PRKN: variants seen among roughly 807,000 people sequenced by gnomAD.
PRKN encodes E3 ubiquitin-protein ligase parkin.
Under a neutral mutation model 59.5 loss-of-function variants are expected in PRKN, and 56 were observed. That is an observed-to-expected ratio of 0.94 (90% CI 0.76 to 1.18). PRKN has a LOEUF of 1.18. Among genes scored for constraint, PRKN ranks in the 50% most tolerant of loss-of-function variants. The probability of loss-of-function intolerance (pLI) is 0.00; values close to 1 mark genes in which losing one functional copy is unlikely to be tolerated. For synonymous variants in PRKN, 250 were observed against 222.1 expected (o/e 1.13, Z -1.12); for missense variants, 657 against 596.4 (o/e 1.10, Z -1.06).
At chr6:162,082,970 T>TA (rs886732567) in intron 4 of PRKN, among the ~76,000 whole-genome samples, 8 of 152,072 alleles carry the variant, frequency 5.3e-5, no homozygotes, top group Non-Finnish European at 1.2e-4. Context: ...TTCATTCTTT[T>TA]AAAAAAATTA....
intron 9 of PRKN, among the ~76,000 whole-genome samples, chr6:161,411,939 C>A (rs774106554): frequency 2.0e-4 from 29 of 146,566 alleles, no homozygotes; most frequent in Non-Finnish European, 3.3e-4. Flanking sequence ...TCCTCCCTCA[C>A]TCATTCCTCC....
chr6:162,533,014 C>T (rs560787875), intron 1 of PRKN, among the ~76,000 whole-genome samples: 1 of 152,264 alleles, frequency 6.6e-6, no homozygotes, highest in Admixed American at 6.5e-5. Context: ...TCTTCTGGCC[C>T]TAGGTGCTTA....
At chr6:162,004,475 A>T (rs990348653) in intron 5 of PRKN, among the ~76,000 whole-genome samples, 2 of 152,222 alleles carry the variant, frequency 1.3e-5, no homozygotes, top group African/African-American at 4.8e-5. Flanking sequence ...ATGCACTAAT[A>T]CAGGCCACCA....
At chr6:162,511,201 CT>C (rs535277520) in intron 1 of PRKN, among the ~76,000 whole-genome samples, 17 of 149,478 alleles carry the variant, frequency 1.1e-4, no homozygotes, top group Admixed American at 2.0e-4. Context: ...TTTAATATTA[CT>C]TTTTTTTTTC....
chr6:162,512,585 G>T (rs1352985363), intron 1 of PRKN, among the ~76,000 whole-genome samples: 3 of 152,136 alleles, frequency 2.0e-5, no homozygotes, highest in Non-Finnish European at 4.4e-5. Flanking sequence ...CGTCATAGGT[G>T]TTACTAATTT....
rs1787477457 is a variant in PRKN at position 161,410,421 on chromosome 6, G to A, written c.1084-23544C>T. On this transcript the variant is annotated intron_variant, in intron 9 of 11. Transcript: ENST00000366898. The surrounding 1 kb of genome is among the most constrained non-coding windows in gnomAD (Gnocchi z 5.3). Reference sequence around the variant, plus strand: ...TACAATCCCTGAGCTATGAACAGTGGCACCAGCTTTTAAGTAAGGATGAGG... The same window carrying A: ...TACAATCCCTGAGCTATGAACAGTGACACCAGCTTTTAAGTAAGGATGAGG... 6.6e-6 allele frequency among the ~76,000 whole-genome samples: 1 copy of A among 152,096 alleles called. No individual in the cohort carries two copies. The highest frequency in any genetic ancestry group is 1.5e-5 in the Non-Finnish European group (1 of 68,032).
intron 6 of PRKN, among the ~76,000 whole-genome samples, chr6:161,797,395 T>G (rs1198831577): frequency 1.3e-5 from 2 of 152,128 alleles, no homozygotes; most frequent in Admixed American, 6.5e-5. Context: ...GCCCCCTACG[T>G]AGCTGGGACT....
Position 161,741,419 on chromosome 6 carries a change from G to A in PRKN, c.871+44353C>T, listed in dbSNP as rs547799027. Among the ~76,000 whole-genome samples the A allele has an allele frequency of 7.9e-5, 12 of 152,316 alleles. No individual in the cohort carries two copies. In the South Asian group the frequency reaches 1.5e-3, roughly 18 times the overall value. On this transcript the variant is annotated intron_variant, in intron 7 of 11. Coordinates refer to ENST00000366898, the MANE Select transcript of PRKN (RefSeq NM_004562.3). ...ACTGAACGGAGTTGACACCAAGGCC[G>A]AAGGTGGCTGCCTTGTACCGGACGG...
chr6:162,139,859 A>G (rs970349759), intron 4 of PRKN, among the ~76,000 whole-genome samples: 24 of 151,000 alleles, frequency 1.6e-4, no homozygotes, highest in Non-Finnish European at 3.2e-4. Flanking sequence ...TGTTTTAAAC[A>G]TTATGAACCT....
At chr6:161,586,897 GTGGCTAGTA>G (rs1781541085) in intron 7 of PRKN, among the ~76,000 whole-genome samples, 1 of 152,202 alleles carries the variant, frequency 6.6e-6, no homozygotes, top group South Asian at 2.1e-4. Flanking sequence ...AATGGTCTCT[GTGGCTAGTA>G]TGGTCTAGAC....
Position 161,448,488 on chromosome 6 carries a change from C to A in PRKN, c.1084-61611G>T, listed in dbSNP as rs768347970. Among the ~76,000 whole-genome samples, 4 of 152,186 alleles carry A rather than the reference C, an allele frequency of 2.6e-5. No individual in the cohort carries two copies. Among genetic ancestry groups the A allele is most frequent in the Non-Finnish European group, 5.9e-5 (4 of 68,034 alleles). Reference sequence around the variant, plus strand: ...CTGATTTCGGGGGGCATTTTTGCTTCAAATTTGTAAAAAGCAAAGGTTACA... The same window carrying A: ...CTGATTTCGGGGGGCATTTTTGCTTAAAATTTGTAAAAAGCAAAGGTTACA... On this transcript the variant is annotated intron_variant, in intron 9 of 11. Transcript: ENST00000366898. The surrounding 1 kb of genome is among the most constrained non-coding windows in gnomAD (Gnocchi z 5.1).
chr6:161,795,776 AG>A (rs1355458383), intron 6 of PRKN, among the ~76,000 whole-genome samples: 1 of 152,134 alleles, frequency 6.6e-6, no homozygotes, highest in East Asian at 1.9e-4. Flanking sequence ...TCCTGAAAGA[AG>A]GAAAATACAA....
intron 5 of PRKN, among the ~76,000 whole-genome samples, chr6:161,989,314 C>T (rs940287410): frequency 6.6e-6 from 1 of 152,174 alleles, no homozygotes; most frequent in Non-Finnish European, 1.5e-5. Context: ...CAGCCTTACC[C>T]GTTACAGCTG....
At chr6:161,815,063 A>G (rs1321749222) in intron 6 of PRKN, among the ~76,000 whole-genome samples, 1 of 152,214 alleles carries the variant, frequency 6.6e-6, no homozygotes, top group African/African-American at 2.4e-5. Context: ...GCAACCACAT[A>G]CCAGGGAACT....
At chr6:161,961,877 T>G (rs965212567) in intron 6 of PRKN, among the ~76,000 whole-genome samples, 16 of 152,174 alleles carry the variant, frequency 1.1e-4, no homozygotes, top group Non-Finnish European at 2.1e-4. Context: ...ACTGATATAA[T>G]AGAATGCTGG....
chr6:161,767,094 T>C (rs9347538), intron 7 of PRKN, among the ~76,000 whole-genome samples: 78,780 of 152,018 alleles, frequency 0.52, 21,119 homozygotes, highest in East Asian at 0.59. Context: ...AGGATTAGCC[T>C]CACGACTTAT....
intron 6 of PRKN, among the ~76,000 whole-genome samples, chr6:161,890,855 G>A (rs1795316644): frequency 6.6e-6 from 1 of 152,122 alleles, no homozygotes; most frequent in Non-Finnish European, 1.5e-5. Flanking sequence ...CCCGCGCTCT[G>A]CCTCCGGGGT....
At chr6:161,585,250 CA>C (rs1311112206) in intron 7 of PRKN, among the ~76,000 whole-genome samples, 1 of 152,168 alleles carries the variant, frequency 6.6e-6, no homozygotes, top group Non-Finnish European at 1.5e-5. Flanking sequence ...ACACATTGTA[CA>C]AGAAGGTTTT....
intron 7 of PRKN, among the ~76,000 whole-genome samples, chr6:161,629,639 G>A (rs1366300542): frequency 6.6e-6 from 1 of 152,054 alleles, no homozygotes; most frequent in Non-Finnish European, 1.5e-5. Context: ...AACCACGGAC[G>A]CTTTTTTAAT....
Sources: gnomAD v4.1 joint callset for allele counts (sites outside exome capture counted in the v4.1 genomes callset) on GRCh38, gnomAD v4.1.1 for gene constraint, Gnocchi (gnomAD v3.1) non-coding constraint, MANE v1.5 for transcripts, NCBI Gene and HGNC (gene_info 2026-07-23, HGNC 2026-07-21) for gene names.